The following CCDC144A variants were observed in gnomAD, a reference collection of about 807,000 sequenced individuals.
CCDC144A encodes coiled-coil domain-containing protein 144A.
CCDC144A carries 41 observed loss-of-function variants against 143.8 expected under a neutral mutation model. That is an observed-to-expected ratio of 0.29 (90% CI 0.22 to 0.37). CCDC144A has a LOEUF of 0.37. Among genes scored for constraint, CCDC144A ranks in the 10% least tolerant of loss-of-function variants. The probability of loss-of-function intolerance (pLI) is 1.00; values close to 1 mark genes in which losing one functional copy is unlikely to be tolerated. For synonymous variants in CCDC144A, 242 were observed against 517.9 expected (o/e 0.47, Z 7.23); for missense variants, 637 against 1,488.8 (o/e 0.43, Z 9.41).
the CCDC144A span, among the ~76,000 whole-genome samples, chr17:16,671,791 A>C: frequency 6.6e-6 from 1 of 152,070 alleles, no homozygotes; most frequent in Non-Finnish European, 1.5e-5. Flanking sequence ...TCTGTCATTC[A>C]CTTACCTATT....
intron 12 of CCDC144A, chr17:16,746,066 C>T (rs980385835): frequency 2.5e-6 from 4 of 1,609,120 alleles, no homozygotes; most frequent in Non-Finnish European, 3.4e-6. Flanking sequence ...TCTCCTGGGG[C>T]TCCTTCAGCG....
At chr17:16,746,142 G>T (rs1422294681) in intron 12 of CCDC144A, 5 of 1,572,896 alleles carry the variant, frequency 3.2e-6, no homozygotes, top group Non-Finnish European at 4.3e-6. Flanking sequence ...GCCACCTCCA[G>T]TATCAATCTC....
At chr17:16,685,366 G>GT (rs1270772625), upstream of CCDC144A, among the ~76,000 whole-genome samples, 8 of 151,640 alleles carry the variant, frequency 5.3e-5, no homozygotes, top group Middle Eastern at 3.2e-3. Flanking sequence ...TTCCAACGCC[G>GT]TTTTTTGTTG....
chr17:16,753,428 G>GTTTTTTGTTGTTGTTGTTGTT lies in CCDC144A; in HGVS notation c.3373-7991_3373-7990insGTTGTTGTTGTTGTTTTTTTT, dbSNP rs1914895477. ...CAATTTCTTTTGTCAGTGTTTTGTA[G>GTTTTTTGTTGTTGTTGTTGTT]TTTTTTTTTTTTTTTTTTTTTTTTT... On this transcript the variant is annotated intron_variant, in intron 12 of 16. Coordinates refer to ENST00000399273, the MANE Select transcript of CCDC144A (RefSeq NM_001382000.1). Among the ~76,000 whole-genome samples, 22 of 57,360 alleles carry GTTTTTTGTTGTTGTTGTTGTT rather than the reference G, an allele frequency of 3.8e-4. 1 individual carries two copies. The highest frequency in any genetic ancestry group is 3.3e-3 in the South Asian group (4 of 1,224). 37.6% of individuals were successfully genotyped at this position (57,360 alleles called of 152,430 possible). A position where few individuals can be genotyped will look rare whatever the true frequency, so the allele number is the denominator to read the frequency against.
At chr17:16,724,634 C>G (rs1005478721) in intron 8 of CCDC144A, among the ~76,000 whole-genome samples, 4 of 151,596 alleles carry the variant, frequency 2.6e-5, no homozygotes, top group African/African-American at 9.7e-5. Context: ...TGATTTGCTG[C>G]TCCCTTGTTT....
At chr17:16,753,849 T>C (rs1914942010) in intron 12 of CCDC144A, among the ~76,000 whole-genome samples, 3 of 152,256 alleles carry the variant, frequency 2.0e-5, no homozygotes, top group African/African-American at 7.2e-5. Context: ...GGTTTGGCCT[T>C]AGAGTAATAC....
chr17:16,670,510 A>G, the CCDC144A span, among the ~76,000 whole-genome samples: 6 of 148,730 alleles, frequency 4.0e-5, no homozygotes, highest in Admixed American at 1.3e-4. Flanking sequence ...CCTACTTCAT[A>G]TTATTTTATT....
chr17:16,706,812 A>C (rs559674520), intron 3 of CCDC144A: 1 of 152,302 alleles, frequency 6.6e-6, no homozygotes, highest in Admixed American at 6.5e-5. Context: ...GCAATAATTG[A>C]CAGTTCGGGT....
rs1286479482 is a variant in CCDC144A at position 16,777,696 on chromosome 17, T to C, written c.*4063T>C. 3 of 137,916 alleles carry C rather than the reference T, an allele frequency of 2.2e-5. No individual in the cohort carries two copies. The highest frequency in any genetic ancestry group is 7.3e-5 in the Admixed American group (1 of 13,678). 8.5% of individuals were successfully genotyped at this position (137,916 alleles called of 1,614,324 possible). ...TAGTGACACAACCTATCAAAAACTCTGGGATACAGCAAAAGTGGAGCTAAG... is the reference window on the plus strand; with the variant it reads ...TAGTGACACAACCTATCAAAAACTCCGGGATACAGCAAAAGTGGAGCTAAG... On this transcript the variant is annotated 3_prime_UTR_variant, in exon 17 of 17. Coordinates refer to ENST00000399273, the MANE Select transcript of CCDC144A (RefSeq NM_001382000.1).
At position 16,728,481 on chromosome 17, in the gene CCDC144A, T is replaced by C. The variant is rs531593294; in HGVS notation, c.2105+741T>C. The stretch of plus-strand genomic sequence containing the variant: ...AATATTTCTTAATTTTTCACAAGAA[T>C]GTTTGTGTTAATTTATAGTTCAAGC... On this transcript the variant is annotated intron_variant, in intron 9 of 16. Transcript: ENST00000399273. 3.3e-5 allele frequency among the ~76,000 whole-genome samples: 5 copies of C among 152,322 alleles called. No homozygotes were observed. The South Asian group carries it at 1.0e-3, about 32-fold the overall frequency.
In CCDC144A at chr17:16,726,401, A is replaced by AT. The variant is rs1491329094; in HGVS notation, c.1892-1125dup. Among the ~76,000 whole-genome samples, 114 of 127,444 alleles carry AT rather than the reference A, an allele frequency of 8.9e-4. 2 individuals are homozygous for AT. Among genetic ancestry groups the AT allele is most frequent in the African/African-American group, 2.3e-3 (55 of 23,882 alleles). The allele number at this position is 127,444 out of a possible 152,430, so 83.6% of individuals were successfully genotyped here. On this transcript the variant is annotated intron_variant, in intron 8 of 16. Coordinates refer to ENST00000399273, the MANE Select transcript of CCDC144A (RefSeq NM_001382000.1). ...GTCTCAAAAAAAAAAAAAAAGAGAG[A>AT]TAAAAAAAAAAGAAAAATCTTCCAT... is the stretch of plus-strand genomic sequence containing the variant.
At chr17:16,701,074 A>G (rs1911706568) in intron 2 of CCDC144A, among the ~76,000 whole-genome samples, 1 of 152,204 alleles carries the variant, frequency 6.6e-6, no homozygotes, top group Non-Finnish European at 1.5e-5. Flanking sequence ...TTTGGGAGAT[A>G]GTACTCATAT....
chr17:16,729,103 G>A (rs572335048), intron 9 of CCDC144A, among the ~76,000 whole-genome samples: 4 of 152,172 alleles, frequency 2.6e-5, no homozygotes, highest in Non-Finnish European at 5.9e-5. Context: ...TTGGGTAGAT[G>A]CCCAGTAGGG....
intron 3 of CCDC144A, 37 bp from the exon 4 acceptor site, chr17:16,707,432 G>C (rs779107769): frequency 7.6e-7 from 1 of 1,315,426 alleles, no homozygotes; most frequent in Non-Finnish European, 1.1e-6. Context: ...TTATCTAACT[G>C]TTCTAAGTAG....
At chr17:16,770,471 A>G (rs1298894471) in intron 15 of CCDC144A, among the ~76,000 whole-genome samples, 1 of 152,088 alleles carries the variant, frequency 6.6e-6, no homozygotes. Flanking sequence ...AAAAATCTGT[A>G]TTTCTTTTCT....
At chr17:16,697,082 G>T (rs1369698849) in intron 2 of CCDC144A, among the ~76,000 whole-genome samples, 1 of 151,944 alleles carries the variant, frequency 6.6e-6, no homozygotes, top group Non-Finnish European at 1.5e-5. Context: ...AGTGGGGAGG[G>T]CTATTGGCAT....
chr17:16,716,866 T>G (rs1005541802), intron 6 of CCDC144A, among the ~76,000 whole-genome samples: 2 of 146,480 alleles, frequency 1.4e-5, no homozygotes, highest in Middle Eastern at 3.6e-3. Context: ...CAGGCTGGAG[T>G]GCAGTGGCAC....
chr17:16,703,618 C>G (rs1911859415), intron 2 of CCDC144A, among the ~76,000 whole-genome samples: 1 of 152,122 alleles, frequency 6.6e-6, no homozygotes, highest in South Asian at 2.1e-4. Context: ...TCCTGGCTAA[C>G]ACGGTGAAAC....
At chr17:16,683,695 G>A in the CCDC144A span, 973 of 1,593,878 alleles carry the variant, frequency 6.1e-4, 10 homozygotes, top group African/African-American at 0.012. Flanking sequence ...AATCAACATG[G>A]ACAAGAATCG....
Sources: allele counts gnomAD v4.1 joint callset (sites outside exome capture counted in the v4.1 genomes callset), GRCh38; gene constraint gnomAD v4.1.1; transcripts MANE v1.5; gene names NCBI Gene and HGNC (gene_info 2026-07-23, HGNC 2026-07-21).